SDK1: variants seen among roughly 807,000 people sequenced by gnomAD.
SDK1 encodes sidekick cell adhesion molecule 1, also known as protein sidekick-1.
In SDK1, 157 loss-of-function variants were observed where a neutral mutation model predicts 245.5. The ratio of observed to expected loss-of-function variants is 0.64; its 90% CI spans 0.56 to 0.73. SDK1 has a LOEUF of 0.73. Ranked by LOEUF, SDK1 falls within the 30% of genes least tolerant of loss-of-function variation. The pLI, the probability that SDK1 is intolerant of heterozygous loss-of-function variation, is 0.00. For missense variants in SDK1, 3,583 were observed against 3,002.3 expected, an observed-to-expected ratio of 1.19 and a Z score of -4.52; for synonymous variants, 1,647 against 1,278.5, an observed-to-expected ratio of 1.29 and a Z score of -6.15.
chr7:3,539,153 A>T (rs181512760), intron 1 of SDK1, among the ~76,000 whole-genome samples: 3 of 152,196 alleles, frequency 2.0e-5, no homozygotes, highest in Admixed American at 6.5e-5. Flanking sequence ...CAGGTTGGTC[A>T]TATTTTCTAT....
In SDK1 at chr7:3,761,809, A is replaced by C. The variant is rs56218476; in HGVS notation, c.714-59641A>C. On this transcript the variant is annotated intron_variant, in intron 4 of 44. Coordinates refer to ENST00000404826, the MANE Select transcript of SDK1 (RefSeq NM_152744.4). ...GGTTAAATACAAACTGACAACAAAA[A>C]TCATAAGAATAATATGTAAAAGCAA... is the stretch of plus-strand genomic sequence containing the variant. 4.3e-3 allele frequency among the ~76,000 whole-genome samples: 650 copies of C among 152,334 alleles called. 4 individuals are homozygous for C. The highest frequency in any genetic ancestry group is 0.015 in the African/African-American group (634 of 41,566).
At chr7:3,498,731 CTTTTT>C (rs574383263) in intron 1 of SDK1, among the ~76,000 whole-genome samples, 1 of 144,252 alleles carries the variant, frequency 6.9e-6, no homozygotes, top group African/African-American at 2.5e-5. Context: ...TAGGCCTCAT[CTTTTT>C]TTTTTTTTTC....
intron 1 of SDK1, among the ~76,000 whole-genome samples, chr7:3,353,437 T>TA (rs150015376): frequency 2.0e-5 from 3 of 152,036 alleles, no homozygotes; most frequent in Non-Finnish European, 4.4e-5. Context: ...CCATAATTTC[T>TA]AAAAAAAATT....
chr7:3,653,792 G>C lies in SDK1; in HGVS notation c.713+11687G>C, dbSNP rs114371420. On this transcript the variant is annotated intron_variant, in intron 4 of 44. Coordinates refer to ENST00000404826, the MANE Select transcript of SDK1 (RefSeq NM_152744.4). ...AAGGCCTTCTGGAGCTGCTCCTTTG[G>C]GTATTTGGCTGCAGGACCTTGCAGC... 5.2e-3 allele frequency among the ~76,000 whole-genome samples: 794 copies of C among 152,192 alleles called. 9 individuals are homozygous for C. Among genetic ancestry groups the C allele is most frequent in the African/African-American group, 0.018 (745 of 41,510 alleles).
chr7:3,410,497 A>G lies in SDK1; in HGVS notation c.298+108613A>G, dbSNP rs541021526. Among the ~76,000 whole-genome samples, 6 of 150,036 alleles carry G rather than the reference A, an allele frequency of 4.0e-5. No individual in the cohort carries two copies. The South Asian group carries it at 1.3e-3, about 32-fold the overall frequency. On this transcript the variant is annotated intron_variant, in intron 1 of 44. Coordinates refer to ENST00000404826, the MANE Select transcript of SDK1 (RefSeq NM_152744.4). ...GATACTCAATTTGTGTACACATCTT[A>G]TATGGGGGAAGCTGTGACTGGAGCA... is the stretch of plus-strand genomic sequence containing the variant.
At chr7:3,909,447 AGTTGTGGCCTCTGC>A (rs1317691277) in intron 5 of SDK1, among the ~76,000 whole-genome samples, 1 of 152,314 alleles carries the variant, frequency 6.6e-6, no homozygotes, top group East Asian at 1.9e-4. Flanking sequence ...TCCGTCCTCC[AGTTGTGGCCTCTGC>A]TCAGGTTCAT....
chr7:3,531,248 G>T (rs1019571835), intron 1 of SDK1, among the ~76,000 whole-genome samples: 1 of 152,040 alleles, frequency 6.6e-6, no homozygotes, highest in African/African-American at 2.4e-5. Context: ...AGCATATTTG[G>T]GGTTGATCTT....
At chr7:4,084,469 A>T (rs55805280) in intron 22 of SDK1, among the ~76,000 whole-genome samples, 2 of 152,012 alleles carry the variant, frequency 1.3e-5, no homozygotes, top group African/African-American at 2.4e-5. Context: ...AGATGGAGCC[A>T]TGCCTGCAGG....
chr7:3,624,369 T>C (rs1299739969), intron 2 of SDK1, among the ~76,000 whole-genome samples: 1 of 152,068 alleles, frequency 6.6e-6, no homozygotes, highest in Non-Finnish European at 1.5e-5. Context: ...TGGCTAAGTT[T>C]TCTATTTTTT....
chr7:3,956,144 A>T (rs763409303), intron 7 of SDK1, among the ~76,000 whole-genome samples: 4 of 152,192 alleles, frequency 2.6e-5, no homozygotes, highest in Non-Finnish European at 5.9e-5. Flanking sequence ...GGGTGGACCC[A>T]TGTTGGCAGA....
chr7:4,151,717 C>T (rs1780393844), intron 30 of SDK1, among the ~76,000 whole-genome samples: 1 of 152,222 alleles, frequency 6.6e-6, no homozygotes, highest in African/African-American at 2.4e-5. Context: ...TGTGTCATTT[C>T]ATACGATCTT....
intron 4 of SDK1, among the ~76,000 whole-genome samples, chr7:3,749,002 A>G (rs1303245981): frequency 6.6e-6 from 1 of 152,126 alleles, no homozygotes; most frequent in African/African-American, 2.4e-5. Context: ...AACCAACCCA[A>G]CTCACACTTA....
intron 1 of SDK1, among the ~76,000 whole-genome samples, chr7:3,358,885 T>C (rs1367962088): frequency 6.6e-6 from 1 of 152,214 alleles, no homozygotes; most frequent in African/African-American, 2.4e-5. Flanking sequence ...GTTAAATGAT[T>C]GTTATGGGTA....
At chr7:3,331,718 C>T (rs1225644053) in intron 1 of SDK1, among the ~76,000 whole-genome samples, 1 of 152,036 alleles carries the variant, frequency 6.6e-6, no homozygotes, top group African/African-American at 2.4e-5. Context: ...CTTTGGATAC[C>T]AGGTTCATAA....
At chr7:3,601,370 T>C (rs1332383834) in intron 1 of SDK1, among the ~76,000 whole-genome samples, 1 of 152,190 alleles carries the variant, frequency 6.6e-6, no homozygotes, top group Non-Finnish European at 1.5e-5. Context: ...TGAGAAGCTT[T>C]TAAATTATAA....
chr7:3,581,071 A>G lies in SDK1; in HGVS notation c.299-38009A>G, dbSNP rs980215568. On this transcript the variant is annotated intron_variant, in intron 1 of 44. Coordinates refer to ENST00000404826, the MANE Select transcript of SDK1 (RefSeq NM_152744.4). Reference sequence around the variant, plus strand: ...AACTGGCGTTAATTGTATGATGAAGATGCTGAAAACAATTGCACCAAAAGC... The same window carrying G: ...AACTGGCGTTAATTGTATGATGAAGGTGCTGAAAACAATTGCACCAAAAGC... Among the ~76,000 whole-genome samples the G allele has an allele frequency of 9.2e-5, 14 of 151,936 alleles. No individual in the cohort carries two copies. The East Asian group carries it at 1.9e-3, about 21-fold the overall frequency.
At chr7:3,647,900 C>T (rs966704783) in intron 4 of SDK1, among the ~76,000 whole-genome samples, 2 of 152,042 alleles carry the variant, frequency 1.3e-5, no homozygotes, top group Non-Finnish European at 2.9e-5. Context: ...GAACAAACCT[C>T]AAGGAAAAAC....
At chr7:3,384,916 G>T (rs1221104930) in intron 1 of SDK1, among the ~76,000 whole-genome samples, 1 of 152,184 alleles carries the variant, frequency 6.6e-6, no homozygotes, top group Non-Finnish European at 1.5e-5. Context: ...ATGGATGAGA[G>T]AGTTTCACCA....
chr7:3,678,909 T>A (rs1307093378), intron 4 of SDK1, among the ~76,000 whole-genome samples: 1 of 152,056 alleles, frequency 6.6e-6, no homozygotes, highest in African/African-American at 2.4e-5. Context: ...AACCTCACAT[T>A]TTATATCTTT....
Sources: gnomAD v4.1 joint callset for allele counts (sites outside exome capture counted in the v4.1 genomes callset) on GRCh38, gnomAD v4.1.1 for gene constraint, MANE v1.5 for transcripts, NCBI Gene and HGNC (gene_info 2026-07-23, HGNC 2026-07-21) for gene names.